Variants in DPP6 observed in about 807,000 individuals in gnomAD.
DPP6 encodes A-type potassium channel modulatory protein DPP6.
A neutral mutation model predicts 122.6 loss-of-function variants in DPP6; 69 were observed. The ratio of observed to expected loss-of-function variants is 0.56; its 90% CI spans 0.46 to 0.69. DPP6 has a LOEUF of 0.69. DPP6 is among the 30% of genes least tolerant of loss of function. DPP6 has a pLI of 0.00. For synonymous variants in DPP6, 418 were observed against 433.1 expected, an observed-to-expected ratio of 0.97 and a Z score of 0.43; for missense variants, 928 against 1,116.9, an observed-to-expected ratio of 0.83 and a Z score of 2.41.
chr7:154,400,538 G>A (rs982357163), intron 1 of DPP6, among the ~76,000 whole-genome samples: 4 of 152,164 alleles, frequency 2.6e-5, no homozygotes, highest in Non-Finnish European at 4.4e-5. Flanking sequence ...TGCCATGATT[G>A]ACTATGTTAT....
At chr7:153,807,808 A>G in the DPP6 span, among the ~76,000 whole-genome samples, 1 of 152,082 alleles carries the variant, frequency 6.6e-6, no homozygotes, top group East Asian at 1.9e-4. Flanking sequence ...TCCAAACACC[A>G]GTATTGATTC....
intron 1 of DPP6, among the ~76,000 whole-genome samples, chr7:154,162,187 G>T (rs557020593): frequency 1.7e-3 from 249 of 150,872 alleles, no homozygotes; most frequent in Non-Finnish European, 1.2e-3. Flanking sequence ...GCCTGGTGTT[G>T]GCCCGGGAAC....
At chr7:154,352,104 G>T (rs1468409213) in intron 1 of DPP6, among the ~76,000 whole-genome samples, 1 of 152,088 alleles carries the variant, frequency 6.6e-6, no homozygotes, top group Non-Finnish European at 1.5e-5. Context: ...TCCATAGGCG[G>T]ACCTGGTCAG....
intron 1 of DPP6, among the ~76,000 whole-genome samples, chr7:154,221,044 A>G (rs150924876): frequency 6.6e-6 from 1 of 152,338 alleles, no homozygotes; most frequent in African/African-American, 2.4e-5. Context: ...GGTGCCAGGC[A>G]TAAAAACGGG....
At chr7:153,779,906 A>T in the DPP6 span, among the ~76,000 whole-genome samples, 1 of 151,776 alleles carries the variant, frequency 6.6e-6, no homozygotes, top group East Asian at 1.9e-4. Context: ...TGTCAATGGT[A>T]GAGAAGATAC....
At chr7:153,928,297 C>G (rs962812138) in intron 1 of DPP6, among the ~76,000 whole-genome samples, 1 of 150,926 alleles carries the variant, frequency 6.6e-6, no homozygotes, top group Non-Finnish European at 1.5e-5. Context: ...CTGCAACCTC[C>G]GTCTCCCAAG....
At chr7:154,298,681 C>T (rs1034731972) in intron 1 of DPP6, among the ~76,000 whole-genome samples, 2 of 152,130 alleles carry the variant, frequency 1.3e-5, no homozygotes, top group African/African-American at 4.8e-5. Context: ...TGCGTTAGGG[C>T]CTTTGGGAAC....
chr7:154,341,343 G>C (rs1231617800), intron 1 of DPP6, among the ~76,000 whole-genome samples: 1 of 152,130 alleles, frequency 6.6e-6, no homozygotes. Flanking sequence ...GGTCCACCTG[G>C]AGAGGTGGTT....
chr7:154,635,948 A>T (rs1320155693), intron 5 of DPP6, among the ~76,000 whole-genome samples: 1 of 152,190 alleles, frequency 6.6e-6, no homozygotes, highest in Non-Finnish European at 1.5e-5. Context: ...CCTCACTGCT[A>T]CTGTATTCTG....
At chr7:154,168,695 C>T (rs552463578) in intron 1 of DPP6, among the ~76,000 whole-genome samples, 33 of 152,164 alleles carry the variant, frequency 2.2e-4, no homozygotes, top group African/African-American at 6.7e-4. Flanking sequence ...CCTGTTCCAC[C>T]GACATCAGAA....
At chr7:154,609,448 T>C (rs969286482) in intron 5 of DPP6, among the ~76,000 whole-genome samples, 4 of 152,268 alleles carry the variant, frequency 2.6e-5, no homozygotes, top group Non-Finnish European at 5.9e-5. Flanking sequence ...GATCTAAATT[T>C]AATGCCCTTG....
intron 1 of DPP6, among the ~76,000 whole-genome samples, chr7:154,398,205 C>A (rs1398492955): frequency 6.6e-6 from 1 of 152,138 alleles, no homozygotes; most frequent in African/African-American, 2.4e-5. Flanking sequence ...GCATATGTAG[C>A]TTGTTAGTTT....
intron 1 of DPP6, among the ~76,000 whole-genome samples, chr7:153,890,437 C>T (rs1229127448): frequency 2.6e-5 from 4 of 152,180 alleles, no homozygotes; most frequent in Non-Finnish European, 5.9e-5. Flanking sequence ...GTTGTTTCAC[C>T]GGGAGTTCTA....
chr7:153,827,590 C>T, the DPP6 span, among the ~76,000 whole-genome samples: 3 of 152,050 alleles, frequency 2.0e-5, no homozygotes, highest in Non-Finnish European at 2.9e-5. Context: ...ACAAACATGC[C>T]CCAAGAAATG....
intron 7 of DPP6, among the ~76,000 whole-genome samples, chr7:154,674,445 G>A (rs973276910): frequency 1.3e-5 from 2 of 152,200 alleles, no homozygotes; most frequent in East Asian, 3.9e-4. Context: ...TGATCTGCAA[G>A]GGGAGGGAGG....
chr7:154,635,031 G>T (rs145981177), intron 5 of DPP6, among the ~76,000 whole-genome samples: 1 of 152,064 alleles, frequency 6.6e-6, no homozygotes, highest in African/African-American at 2.4e-5. Flanking sequence ...CAGCGAACAC[G>T]GACTTCTGAC....
chr7:154,102,742 T>C (rs561694991), intron 1 of DPP6, among the ~76,000 whole-genome samples: 116 of 152,306 alleles, frequency 7.6e-4, no homozygotes, highest in African/African-American at 2.6e-3. Context: ...CTCTATTTCA[T>C]GTCAGACAAC....
At chr7:153,962,608 G>A (rs2531103) in intron 1 of DPP6, among the ~76,000 whole-genome samples, 3 of 152,054 alleles carry the variant, frequency 2.0e-5, no homozygotes, top group Admixed American at 6.6e-5. Context: ...CCTAACAAAC[G>A]TTTCTAGATG....
chr7:154,259,774 CAAT>C (rs1214148992), intron 1 of DPP6, among the ~76,000 whole-genome samples: 2 of 152,154 alleles, frequency 1.3e-5, no homozygotes, highest in Non-Finnish European at 2.9e-5. Flanking sequence ...ATTTCTCATT[CAAT>C]AATATTTATT....
Sources: allele counts gnomAD v4.1 joint callset (sites outside exome capture counted in the v4.1 genomes callset), GRCh38; gene constraint gnomAD v4.1.1; transcripts MANE v1.5; gene names NCBI Gene and HGNC (gene_info 2026-07-23, HGNC 2026-07-21).